Variants in KANSL3 observed in about 807,000 individuals in gnomAD.
KANSL3 encodes the protein NSL complex protein NSL3.
In KANSL3, 16 loss-of-function variants were observed where a neutral mutation model predicts 89.2. The observed-to-expected ratio is 0.18, with a 90% CI of 0.12 to 0.27. KANSL3 has a LOEUF of 0.27. KANSL3 is among the 10% of genes least tolerant of loss of function. KANSL3 has a pLI of 1.00. For missense variants in KANSL3, 879 were observed against 1,110.6 expected, an observed-to-expected ratio of 0.79 and a Z score of 2.96; for synonymous variants, 385 against 419.7, an observed-to-expected ratio of 0.92 and a Z score of 1.01.
At chr2:96,609,670 G>A (rs1222137299) in intron 11 of KANSL3, 108 bp from the exon 12 acceptor site, 1 of 1,061,196 alleles carries the variant, frequency 9.4e-7, no homozygotes, top group African/African-American at 1.6e-5. Context: ...GCCCCAGAAG[G>A]AGGGCCATGT....
chr2:96,611,385 T>C (rs1380845139), intron 9 of KANSL3, among the ~76,000 whole-genome samples: 1 of 152,118 alleles, frequency 6.6e-6, no homozygotes. Context: ...GGCTGAACCA[T>C]AGGATAGAAG....
At chr2:96,588,126 C>T in the KANSL3 span, among the ~76,000 whole-genome samples, 11 of 151,844 alleles carry the variant, frequency 7.2e-5, no homozygotes, top group African/African-American at 2.7e-4. Flanking sequence ...GGTAAAAAGG[C>T]TTAAGCCTAT....
chr2:96,583,330 T>G, the KANSL3 span, among the ~76,000 whole-genome samples: 1 of 152,316 alleles, frequency 6.6e-6, no homozygotes, highest in East Asian at 1.9e-4. Context: ...CCCTTCTCAC[T>G]CAACTGAGTC....
At position 96,612,367 on chromosome 2, in the gene KANSL3, G is replaced by A. The variant is rs1272683538; in HGVS notation, c.1015-14C>T. The A allele has an allele frequency of 6.2e-7, 1 of 1,612,412 alleles. No individual in the cohort carries two copies. The highest frequency in any genetic ancestry group is 2.2e-5 in the East Asian group (1 of 44,872). ...ATGGCTGTGAATCTTCATGGGAAGA[G>A]AAAGAAGACAGTAAGACAGGAGGCC... is the stretch of plus-strand genomic sequence containing the variant. On this transcript the variant is annotated splice_polypyrimidine_tract_variant and intron_variant, in intron 8 of 20. Transcript: ENST00000431828.
chr2:96,633,253 CAAAAAA>C (rs1203356042), intron 2 of KANSL3, among the ~76,000 whole-genome samples: 1 of 137,554 alleles, frequency 7.3e-6, no homozygotes, highest in African/African-American at 2.7e-5. Context: ...GACCTCGGCC[CAAAAAA>C]AAAAAATTTA....
chr2:96,601,878 T>C (rs1236679128), intron 19 of KANSL3, 102 bp from the exon 20 acceptor site: 27 of 1,446,450 alleles, frequency 1.9e-5, no homozygotes, highest in Non-Finnish European at 2.4e-5. Flanking sequence ...ACACAGTCCC[T>C]TGGCCTCCTC....
In KANSL3 at chr2:96,594,765, C is replaced by G. The variant is rs1204460981; in HGVS notation, c.*846G>C. ...AGAGCAGAGACCTAAGCACAAACCA[C>G]AGGGCTTACTAGCACATCCTTCAAG... is the stretch of plus-strand genomic sequence containing the variant. On this transcript the variant is annotated 3_prime_UTR_variant, in exon 21 of 21. Transcript: ENST00000431828. The G allele has an allele frequency of 6.6e-6, 1 of 152,260 alleles. No homozygotes were observed. The highest frequency in any genetic ancestry group is 1.9e-4 in the East Asian group (1 of 5,206). 9.4% of individuals were successfully genotyped at this position (152,260 alleles called of 1,614,324 possible).
Position 96,599,599 on chromosome 2 carries a change from A to T in KANSL3, c.2616+2044T>A, listed in dbSNP as rs2066894530. ...ATGATCTAGAAATAAAAGTTAAAAGACTGACTGACATTCAATGAATGCTTC... is the reference window on the plus strand; with the variant it reads ...ATGATCTAGAAATAAAAGTTAAAAGTCTGACTGACATTCAATGAATGCTTC... On this transcript the variant is annotated intron_variant, in intron 20 of 20. Transcript: ENST00000431828. 1.8e-5 allele frequency: 3 copies of T among 162,734 alleles called. No homozygotes were observed. In the Admixed American group the frequency reaches 2.0e-4, roughly 11 times the overall value. 10.1% of individuals were successfully genotyped at this position (162,734 alleles called of 1,614,324 possible).
the KANSL3 span, among the ~76,000 whole-genome samples, chr2:96,587,020 C>T: frequency 3.3e-5 from 5 of 152,308 alleles, no homozygotes; most frequent in African/African-American, 1.2e-4. Flanking sequence ...ATATTAGTCA[C>T]ATATTAACTT....
chr2:96,611,225 C>G (rs1176197442), intron 9 of KANSL3, 87 bp from the exon 10 acceptor site: 8 of 1,046,496 alleles, frequency 7.6e-6, no homozygotes, highest in Non-Finnish European at 1.2e-5. Flanking sequence ...TCCAGACCCA[C>G]CAGACAGTCT....
At chr2:96,612,699 G>A (rs2069223413) in intron 7 of KANSL3, 119 bp downstream of exon 7, 1 of 1,076,776 alleles carries the variant, frequency 9.3e-7, no homozygotes, top group African/African-American at 1.6e-5. Context: ...TGAAAGAAGG[G>A]TTAGAGGAGG....
At chr2:96,583,768 T>C in the KANSL3 span, among the ~76,000 whole-genome samples, 2 of 152,256 alleles carry the variant, frequency 1.3e-5, no homozygotes, top group Admixed American at 6.5e-5. Context: ...ATTTCTCTTT[T>C]GTATATACGT....
intron 3 of KANSL3, among the ~76,000 whole-genome samples, chr2:96,627,238 G>T (rs775586102): frequency 6.6e-6 from 1 of 151,326 alleles, no homozygotes; most frequent in African/African-American, 2.4e-5. Flanking sequence ...TTTTTGAGAC[G>T]GAGTCTTGCT....
chr2:96,598,002 A>AGG, intron 20 of KANSL3: 4 of 590,528 alleles, frequency 6.8e-6, no homozygotes, highest in Non-Finnish European at 8.5e-6. Context: ...GCTCCAGAAA[A>AGG]GGGGGATTCT....
intron 14 of KANSL3, 123 bp from the exon 15 acceptor site, chr2:96,605,634 T>TAC (rs1305635948): frequency 2.1e-5 from 16 of 775,890 alleles, no homozygotes; most frequent in Non-Finnish European, 3.4e-5. Context: ...CCACTCTACG[T>TAC]ACAGGGCCAC....
At chr2:96,600,105 C>T (rs2066968546) in intron 20 of KANSL3, among the ~76,000 whole-genome samples, 1 of 152,166 alleles carries the variant, frequency 6.6e-6, no homozygotes, top group Non-Finnish European at 1.5e-5. Context: ...TACATCTACT[C>T]AGTGAAATAC....
rs752862133 is a variant in KANSL3 at position 96,604,202 on chromosome 2, G to C, written c.2149+48C>G. The C allele has an allele frequency of 1.4e-5, 21 of 1,546,590 alleles. No homozygotes were observed. The South Asian group carries it at 2.4e-4, about 18-fold the overall frequency. Reference sequence around the variant, plus strand: ...TTCCCAGGACCACCCAGAAGCAGCAGACCAAAAATTCTGTGTTGGAAGGGG... The same window carrying C: ...TTCCCAGGACCACCCAGAAGCAGCACACCAAAAATTCTGTGTTGGAAGGGG... On this transcript the variant is annotated intron_variant, in intron 17 of 20. Transcript: ENST00000431828.
In KANSL3 at chr2:96,605,332, T is replaced by C. The variant is rs1421354863; in HGVS notation, c.1921A>G (p.Ser641Gly). Residue 641 changes from serine (S) to glycine (G), a missense_variant, in exon 15 of 21, where the codon AGT becomes GGT. By Grantham distance (56) the Ser-to-Gly change is moderately conservative (BLOSUM62 0). Coordinates refer to ENST00000431828, the MANE Select transcript of KANSL3 (RefSeq NM_001115016.3). ...AAGAGAAACTCACCTTCTGGAGCAC[T>C]TCCTTGGGAAGGAGCACAAGGCCCT... ...AGGPCAPSQG[S>G]APEAAGGKPI... is the part of the protein sequence containing the mutation. The C allele has an allele frequency of 1.9e-6, 3 of 1,609,988 alleles. No homozygotes were observed. The highest frequency in any genetic ancestry group is 1.7e-5 in the Admixed American group (1 of 59,854).
In KANSL3 at chr2:96,619,465, C is replaced by T. The variant is rs1456582253; in HGVS notation, c.557G>A (p.Ser186Asn). 1.9e-6 allele frequency: 3 copies of T among 1,613,924 alleles called. No homozygotes were observed. The highest frequency in any genetic ancestry group is 4.5e-5 in the East Asian group (2 of 44,892). Residue 186 changes from serine to asparagine, a missense_variant, in exon 5 of 21, where the codon AGC becomes AAC. Coordinates refer to ENST00000431828, the MANE Select transcript of KANSL3 (RefSeq NM_001115016.3). ...CCACTGGATCAGCTTGGTATCCCAG[C>T]TCACACTTGCCAGAGCCTGCCGCAC... ...RRVRQALASVSWDTKLIQWLH... is the reference protein window; with the variant it reads ...RRVRQALASVNWDTKLIQWLH...
Sources: gnomAD v4.1 joint callset for allele counts (sites outside exome capture counted in the v4.1 genomes callset) on GRCh38, gnomAD v4.1.1 for gene constraint, MANE v1.5 for transcripts, NCBI Gene and HGNC (gene_info 2026-07-23, HGNC 2026-07-21) for gene names.